DNAJC6: variants seen among roughly 807,000 people sequenced by gnomAD.
The protein encoded by DNAJC6 is auxilin.
Under a neutral mutation model 110.0 loss-of-function variants are expected in DNAJC6, and 34 were observed. The observed-to-expected ratio is 0.31, with a 90% CI of 0.24 to 0.41. DNAJC6 has a LOEUF of 0.41. Ranked by LOEUF, DNAJC6 falls within the 10% of genes least tolerant of loss-of-function variation. The probability of loss-of-function intolerance (pLI) is 1.00; values close to 1 mark genes in which losing one functional copy is unlikely to be tolerated. For missense variants in DNAJC6, 1,031 were observed against 1,207.8 expected, an observed-to-expected ratio of 0.85 and a Z score of 2.17; for synonymous variants, 406 against 437.2, an observed-to-expected ratio of 0.93 and a Z score of 0.89.
At chr1:65,340,320 G>T (rs1212589964) in intron 1 of DNAJC6, among the ~76,000 whole-genome samples, 1 of 152,182 alleles carries the variant, frequency 6.6e-6, no homozygotes, top group Non-Finnish European at 1.5e-5. Context: ...GCTCTTATCA[G>T]AACAGCAATG....
chr1:65,380,796 A>G (rs1252262073), intron 5 of DNAJC6, among the ~76,000 whole-genome samples: 1 of 152,160 alleles, frequency 6.6e-6, no homozygotes, highest in Admixed American at 6.5e-5. Context: ...TTATGGTTCT[A>G]CAGGGTGCTC....
chr1:65,318,247 A>G (rs1007589945), intron 1 of DNAJC6, among the ~76,000 whole-genome samples: 1 of 152,230 alleles, frequency 6.6e-6, no homozygotes, highest in Admixed American at 6.5e-5. Context: ...ATCAGAATAA[A>G]ATAAATAAGT....
At chr1:65,291,364 A>G (rs2101228881) in intron 1 of DNAJC6, among the ~76,000 whole-genome samples, 1 of 152,324 alleles carries the variant, frequency 6.6e-6, no homozygotes, top group East Asian at 1.9e-4. Context: ...AGATATGTAG[A>G]TATTCATCAT....
intron 1 of DNAJC6, among the ~76,000 whole-genome samples, chr1:65,270,642 T>G (rs1653473851): frequency 6.6e-6 from 1 of 152,172 alleles, no homozygotes; most frequent in South Asian, 2.1e-4. Context: ...ATTATTTTTA[T>G]GCTATTGTTA....
intron 1 of DNAJC6, among the ~76,000 whole-genome samples, chr1:65,330,468 T>G (rs1308774257): frequency 6.6e-6 from 1 of 152,112 alleles, no homozygotes; most frequent in Admixed American, 6.5e-5. Context: ...TCTTTTTTTT[T>G]TGTTTTGTTT....
At chr1:65,389,153 C>T (rs542232103) in intron 9 of DNAJC6, 103 bp from the exon 10 acceptor site, 3 of 1,087,188 alleles carry the variant, frequency 2.8e-6, no homozygotes, top group Non-Finnish European at 4.0e-6. Flanking sequence ...AGAAATGAGA[C>T]TTAGATTTAA....
At chr1:65,383,420 AGTGCTGG>A (rs1345047718) in intron 5 of DNAJC6, among the ~76,000 whole-genome samples, 2 of 152,130 alleles carry the variant, frequency 1.3e-5, no homozygotes, top group Non-Finnish European at 2.9e-5. Flanking sequence ...GGCCTCTCAA[AGTGCTGG>A]GATTACAGAC....
chr1:65,405,976 G>A lies in DNAJC6; in HGVS notation c.2334G>A (p.Gly778=), dbSNP rs1646072147. The change falls in exon 16 of 19, where the codon GGG becomes GGA. Residue 778 remains glycine (G), a synonymous_variant. Coordinates refer to ENST00000371069, the MANE Select transcript of DNAJC6 (RefSeq NM_001256864.2). The part of the protein sequence containing the change: ...QKASPQPMGG[G]WQQGGAYNWQ... ...CGTCTCCCCAGCCTATGGGTGGCGG[G>A]TGGCAGCAGGGAGGTGCCTACAACT... is the stretch of plus-strand genomic sequence containing the variant. The A allele has an allele frequency of 6.2e-7, 1 of 1,614,242 alleles. No individual in the cohort carries two copies. Among genetic ancestry groups the A allele is most frequent in the Non-Finnish European group, 8.5e-7 (1 of 1,180,046 alleles).
At chr1:65,395,647 A>G (rs1169805468) in intron 13 of DNAJC6, among the ~76,000 whole-genome samples, 1 of 152,210 alleles carries the variant, frequency 6.6e-6, no homozygotes, top group Non-Finnish European at 1.5e-5. Flanking sequence ...TTGATCATTT[A>G]TTAACATAAT....
intron 1 of DNAJC6, among the ~76,000 whole-genome samples, chr1:65,304,383 G>T (rs943515540): frequency 7.2e-5 from 11 of 152,124 alleles, no homozygotes; most frequent in Non-Finnish European, 1.3e-4. Context: ...TCTATCTTGT[G>T]TGTTGCTTTA....
At position 65,265,631 on chromosome 1, in the gene DNAJC6, C is replaced by G. The variant is rs547714977; in HGVS notation, c.-131+699C>G. On this transcript the variant is annotated intron_variant, in intron 1 of 19. Coordinates refer to the DNAJC6 transcript ENST00000263441. Reference sequence around the variant, plus strand: ...AAATGAGCCAACCAAATTTTAAGTTCAACAACAAGCATTCTGGAGGATTCT... The same window carrying G: ...AAATGAGCCAACCAAATTTTAAGTTGAACAACAAGCATTCTGGAGGATTCT... 3.5e-3 allele frequency among the ~76,000 whole-genome samples: 535 copies of G among 152,342 alleles called. 3 individuals carry two copies. Among genetic ancestry groups the G allele is most frequent in the African/African-American group, 0.012 (519 of 41,568 alleles).
At chr1:65,287,197 A>C (rs921765913) in intron 1 of DNAJC6, among the ~76,000 whole-genome samples, 3 of 152,228 alleles carry the variant, frequency 2.0e-5, no homozygotes, top group Non-Finnish European at 4.4e-5. Flanking sequence ...TACACTGAAA[A>C]TCAGATATTT....
intron 13 of DNAJC6, 77 bp downstream of exon 13, chr1:65,395,109 C>T: frequency 7.0e-7 from 1 of 1,418,664 alleles, no homozygotes; most frequent in Non-Finnish European, 9.3e-7. Flanking sequence ...TATATAAAAG[C>T]ACCCTGTGGG....
intron 5 of DNAJC6, among the ~76,000 whole-genome samples, chr1:65,382,885 A>G (rs1303877500): frequency 1.3e-5 from 2 of 152,236 alleles, no homozygotes; most frequent in Admixed American, 6.5e-5. Flanking sequence ...GTCTCTTAAA[A>G]TGGAAAATCA....
At chr1:65,267,781 C>T (rs961299252) in intron 1 of DNAJC6, among the ~76,000 whole-genome samples, 1 of 152,130 alleles carries the variant, frequency 6.6e-6, no homozygotes, top group African/African-American at 2.4e-5. Flanking sequence ...TAAGGTCCCC[C>T]AGGCCTTTTC....
Position 65,309,860 on chromosome 1 carries a change from C to G in DNAJC6, c.115C>G (p.Gln39Glu), listed in dbSNP as rs971851819. The change falls in exon 1 of 19, where the codon CAG (glutamine) becomes GAG (glutamate). Residue 39 changes from glutamine (Q) to glutamate (E), a missense_variant. Gln to Glu is a conservative substitution (Grantham distance 29). Transcript: ENST00000371069. The stretch of plus-strand genomic sequence containing the variant: ...GGGAAGCGGCGGGGTTGGCGGCAAG[C>G]AGAGAGTGAACGCCGGGGCAGCGGC... ...SAGSGGVGGK[Q>E]RVNAGAAARS... 1.7e-5 allele frequency: 27 copies of G among 1,548,072 alleles called. No individual in the cohort carries two copies. Among genetic ancestry groups the G allele is most frequent in the Non-Finnish European group, 2.2e-5 (25 of 1,145,804 alleles).
At chr1:65,322,805 A>G (rs932676646) in intron 1 of DNAJC6, among the ~76,000 whole-genome samples, 3 of 152,214 alleles carry the variant, frequency 2.0e-5, no homozygotes, top group African/African-American at 4.8e-5. Context: ...CATACATGAG[A>G]AATGATGATA....
At chr1:65,352,730 C>T (rs1168956085) in intron 1 of DNAJC6, among the ~76,000 whole-genome samples, 1 of 152,190 alleles carries the variant, frequency 6.6e-6, no homozygotes, top group Non-Finnish European at 1.5e-5. Context: ...TGATCTTTCT[C>T]TCAGAAGTTG....
intron 1 of DNAJC6, among the ~76,000 whole-genome samples, chr1:65,293,197 AG>A (rs1209675808): frequency 5.9e-5 from 9 of 152,328 alleles, no homozygotes; most frequent in Non-Finnish European, 1.2e-4. Context: ...GTCAAGATAA[AG>A]GTGCTGGCAG....
Sources: gnomAD v4.1 joint callset for allele counts (sites outside exome capture counted in the v4.1 genomes callset) on GRCh38, gnomAD v4.1.1 for gene constraint, MANE v1.5 for transcripts, NCBI Gene and HGNC (gene_info 2026-07-23, HGNC 2026-07-21) for gene names.